The following SNX29 variants were observed in gnomAD, a reference collection of about 807,000 sequenced individuals.
SNX29 encodes the protein sorting nexin-29.
Under a neutral mutation model 102.1 loss-of-function variants are expected in SNX29, and 78 were observed. The observed-to-expected ratio is 0.76, with a 90% CI of 0.64 to 0.92. SNX29 has a LOEUF of 0.92. SNX29 is among the 40% of genes least tolerant of loss of function. The pLI is 0.00. For synonymous variants in SNX29, 580 were observed against 414.5 expected, an observed-to-expected ratio of 1.40 and a Z score of -4.85; for missense variants, 1,280 against 1,061.7, an observed-to-expected ratio of 1.21 and a Z score of -2.86.
At chr16:12,541,513 CAT>C (rs1372821541) in intron 20 of SNX29, among the ~76,000 whole-genome samples, 1 of 152,164 alleles carries the variant, frequency 6.6e-6, no homozygotes, top group African/African-American at 2.4e-5. Context: ...AGTCCCAAGT[CAT>C]AACCATTTCA....
chr16:12,083,416 T>C (rs116089628), intron 11 of SNX29, among the ~76,000 whole-genome samples: 4,073 of 152,192 alleles, frequency 0.027, 152 homozygotes, highest in African/African-American at 0.075. Flanking sequence ...TTCCTTGGCT[T>C]GCAGACAGCC....
chr16:12,152,809 C>A (rs1055729122), intron 13 of SNX29, among the ~76,000 whole-genome samples: 30 of 152,202 alleles, frequency 2.0e-4, no homozygotes, highest in East Asian at 1.9e-4. Context: ...AGTAATGGTT[C>A]TGTCTCACAT....
intron 13 of SNX29, among the ~76,000 whole-genome samples, chr16:12,146,022 G>C: frequency 6.6e-6 from 1 of 152,198 alleles, no homozygotes; most frequent in East Asian, 1.9e-4. Flanking sequence ...CAAGAAAGCG[G>C]CCTCTCTTTT....
chr16:12,242,574 CTTCTT>C (rs1352869892), intron 14 of SNX29, among the ~76,000 whole-genome samples: 1 of 151,100 alleles, frequency 6.6e-6, no homozygotes, highest in Non-Finnish European at 1.5e-5. Context: ...CTCTTTTCTT[CTTCTT>C]TTCTTCTTCT....
chr16:12,414,034 T>C (rs1243895425), intron 18 of SNX29, among the ~76,000 whole-genome samples: 1 of 152,234 alleles, frequency 6.6e-6, no homozygotes, highest in East Asian at 1.9e-4. Context: ...TTACTTACAA[T>C]ACCTAGTACA....
intron 19 of SNX29, among the ~76,000 whole-genome samples, chr16:12,493,176 C>G (rs1449192916): frequency 6.6e-6 from 1 of 152,176 alleles, no homozygotes; most frequent in Non-Finnish European, 1.5e-5. Context: ...ATGGAATGTT[C>G]TTCCATTTGA....
chr16:12,458,550 C>T (rs1396806742), intron 18 of SNX29, among the ~76,000 whole-genome samples: 3 of 152,144 alleles, frequency 2.0e-5, no homozygotes, highest in Non-Finnish European at 2.9e-5. Flanking sequence ...ATCACTGGTC[C>T]TGTTTCTAGA....
chr16:12,398,657 A>G (rs920792536), intron 17 of SNX29, among the ~76,000 whole-genome samples, 156 bp downstream of exon 17: 1 of 152,124 alleles, frequency 6.6e-6, no homozygotes, highest in African/African-American at 2.4e-5. Context: ...TCGCTCTCCT[A>G]CAGCCTCAGT....
At chr16:12,401,633 G>C (rs1223778235) in intron 17 of SNX29, among the ~76,000 whole-genome samples, 1 of 151,988 alleles carries the variant, frequency 6.6e-6, no homozygotes, top group South Asian at 2.1e-4. Context: ...CAAAGTGCTG[G>C]GATTACAGGT....
chr16:12,436,482 C>T (rs1274629551), intron 18 of SNX29, among the ~76,000 whole-genome samples: 1 of 152,230 alleles, frequency 6.6e-6, no homozygotes, highest in Non-Finnish European at 1.5e-5. Flanking sequence ...GATGCCATTT[C>T]AGGAAATCGC....
intron 20 of SNX29, among the ~76,000 whole-genome samples, chr16:12,534,019 G>A (rs138539068): frequency 0.022 from 3,412 of 152,334 alleles, 60 homozygotes; most frequent in Non-Finnish European, 0.034. Flanking sequence ...AGGGCAAAAG[G>A]GGACTTTGGT....
At chr16:12,544,838 G>T (rs917744698) in intron 20 of SNX29, among the ~76,000 whole-genome samples, 4 of 152,186 alleles carry the variant, frequency 2.6e-5, no homozygotes, top group Non-Finnish European at 4.4e-5. Context: ...AGAACTCCTT[G>T]GGGAAATGCC....
chr16:12,189,634 A>T (rs561314506), intron 13 of SNX29, among the ~76,000 whole-genome samples: 21 of 152,210 alleles, frequency 1.4e-4, no homozygotes, highest in African/African-American at 5.1e-4. Flanking sequence ...CCCCTTTACA[A>T]TTAATACATA....
chr16:12,510,109 G>C (rs1179393913), intron 19 of SNX29, among the ~76,000 whole-genome samples: 1 of 152,236 alleles, frequency 6.6e-6, no homozygotes, highest in African/African-American at 2.4e-5. Flanking sequence ...TTCTGTTTTT[G>C]GAGTGTGCAT....
At position 12,224,588 on chromosome 16, in the gene SNX29, A is replaced by G. The variant is rs75201280; in HGVS notation, c.1678+24905A>G. Among the ~76,000 whole-genome samples, 519 of 152,336 alleles carry G rather than the reference A, an allele frequency of 3.4e-3. 4 individuals carry two copies. Among genetic ancestry groups the G allele is most frequent in the African/African-American group, 0.012 (487 of 41,594 alleles). ...TTGATCAGAGGGTTGAAGGTTGAGT[A>G]TGAGTTCTTCAGGTCAAAACAGGGA... On this transcript the variant is annotated intron_variant, in intron 14 of 20. Transcript: ENST00000566228.
chr16:12,298,746 G>C lies in SNX29; in HGVS notation c.1782+20710G>C, dbSNP rs183820761. On this transcript the variant is annotated intron_variant, in intron 15 of 20. Coordinates refer to ENST00000566228, the MANE Select transcript of SNX29 (RefSeq NM_032167.5). The stretch of plus-strand genomic sequence containing the variant: ...ACCCTTGCTGTCTCTCACCGGCCAA[G>C]GAAGGTTAGATGTGGGTGTCCCCAG... 2.6e-3 allele frequency among the ~76,000 whole-genome samples: 401 copies of C among 152,274 alleles called. 2 individuals carry two copies. The highest frequency in any genetic ancestry group is 8.8e-3 in the African/African-American group (367 of 41,546).
rs1325446702 is a variant in SNX29, at chr16:12,574,135, G to T, written c.*5506G>T. ...CTCTTATGTTAAGGTTTACATAATAGGATTTTTAAACAAATGTGTTTAATT... is the reference window on the plus strand; with the variant it reads ...CTCTTATGTTAAGGTTTACATAATATGATTTTTAAACAAATGTGTTTAATT... On this transcript the variant is annotated 3_prime_UTR_variant, in exon 21 of 21. Coordinates refer to ENST00000566228, the MANE Select transcript of SNX29 (RefSeq NM_032167.5). 1.1e-5 allele frequency: 2 copies of T among 183,074 alleles called. No homozygotes were observed. The highest frequency in any genetic ancestry group is 2.3e-5 in the Non-Finnish European group (2 of 86,130). The allele number at this position is 183,074 out of a possible 1,614,324, so 11.3% of individuals were successfully genotyped here. A position where few individuals can be genotyped will look rare whatever the true frequency, so the allele number is the denominator to read the frequency against.
chr16:12,234,931 T>C (rs2142231619), intron 14 of SNX29, among the ~76,000 whole-genome samples: 1 of 151,756 alleles, frequency 6.6e-6, no homozygotes, highest in South Asian at 2.1e-4. Context: ...TTTGCCTTTA[T>C]GTTTCTCTCT....
intron 2 of SNX29, among the ~76,000 whole-genome samples, chr16:12,000,959 T>G (rs2056266277): frequency 6.6e-6 from 1 of 152,342 alleles, no homozygotes; most frequent in Admixed American, 6.5e-5. Flanking sequence ...GGACAGAGCC[T>G]GGTCCTCTGT....
Sources: gnomAD v4.1 joint callset for allele counts (sites outside exome capture counted in the v4.1 genomes callset) on GRCh38, gnomAD v4.1.1 for gene constraint, MANE v1.5 for transcripts, NCBI Gene and HGNC (gene_info 2026-07-23, HGNC 2026-07-21) for gene names.